PTPRG: variants seen among roughly 807,000 people sequenced by gnomAD.
PTPRG encodes the protein receptor-type tyrosine-protein phosphatase gamma.
PTPRG carries 102 observed loss-of-function variants against 165.3 expected under a neutral mutation model. The observed-to-expected ratio is 0.62, with a 90% CI of 0.53 to 0.73. The LOEUF is 0.73. PTPRG is among the 30% of genes least tolerant of loss of function. The pLI, the probability that PTPRG is intolerant of heterozygous loss-of-function variation, is 0.00. For synonymous variants in PTPRG, 675 were observed against 669.5 expected (o/e 1.01, Z -0.13); for missense variants, 1,866 against 1,861.4 (o/e 1.00, Z -0.05).
At chr3:61,653,558 A>C (rs1363107322) in intron 1 of PTPRG, among the ~76,000 whole-genome samples, 1 of 152,130 alleles carries the variant, frequency 6.6e-6, no homozygotes, top group East Asian at 1.9e-4. Context: ...GGTACCTTGG[A>C]TAGAACAGTG....
At chr3:62,270,684 C>T (rs1270230965) in intron 20 of PTPRG, among the ~76,000 whole-genome samples, 1 of 152,156 alleles carries the variant, frequency 6.6e-6, no homozygotes, top group Non-Finnish European at 1.5e-5. Flanking sequence ...ACACTTCAAG[C>T]TTCAGTGTTA....
chr3:62,055,458 A>C (rs919445974), intron 4 of PTPRG, among the ~76,000 whole-genome samples: 1 of 152,204 alleles, frequency 6.6e-6, no homozygotes, highest in Non-Finnish European at 1.5e-5. Flanking sequence ...TAGCAACCTC[A>C]ATAACTAGGT....
At chr3:62,215,546 A>ACCCCCCCCCCCCCCCCCCCCCCCC (rs35317755) in intron 12 of PTPRG, among the ~76,000 whole-genome samples, 1 of 63,758 alleles carries the variant, frequency 1.6e-5, no homozygotes, top group African/African-American at 6.4e-5. Flanking sequence ...CCCTACGGGA[A>ACCCCCCCCCCCCCCCCCCCCCCCC]CCCCCCCCCC....
intron 2 of PTPRG, among the ~76,000 whole-genome samples, chr3:61,853,548 A>G (rs1297837901): frequency 6.6e-6 from 1 of 152,238 alleles, no homozygotes; most frequent in African/African-American, 2.4e-5. Context: ...TAAGCCTCAG[A>G]TAACTGCTGA....
intron 2 of PTPRG, among the ~76,000 whole-genome samples, chr3:61,818,874 GAATAGTGA>G (rs531117197): frequency 1.2e-4 from 11 of 90,606 alleles, no homozygotes; most frequent in African/African-American, 6.3e-4. Context: ...GTGAAATAGT[GAATAGTGA>G]AATAGTGAAT....
chr3:62,266,004 A>C (rs1009864397), intron 17 of PTPRG, among the ~76,000 whole-genome samples: 3 of 152,022 alleles, frequency 2.0e-5, no homozygotes, highest in African/African-American at 7.2e-5. Flanking sequence ...ATTGTGGCAA[A>C]AAAAGGAGGA....
At chr3:61,795,150 G>C (rs546971767) in intron 2 of PTPRG, among the ~76,000 whole-genome samples, 6 of 152,274 alleles carry the variant, frequency 3.9e-5, no homozygotes, top group African/African-American at 1.4e-4. Flanking sequence ...CTGAGGCTTA[G>C]AATAAGTAGC....
intron 2 of PTPRG, among the ~76,000 whole-genome samples, chr3:61,835,443 C>T (rs537746115): frequency 1.3e-5 from 2 of 152,216 alleles, no homozygotes; most frequent in African/African-American, 2.4e-5. Context: ...AAGCGATTCT[C>T]CTGCCTCAGC....
At chr3:61,574,946 A>G (rs1396270068) in intron 1 of PTPRG, among the ~76,000 whole-genome samples, 1 of 152,180 alleles carries the variant, frequency 6.6e-6, no homozygotes, top group East Asian at 1.9e-4. Context: ...TGCCTCGAGA[A>G]TGGCACCAAG....
intron 2 of PTPRG, among the ~76,000 whole-genome samples, chr3:61,756,708 G>C (rs962290361): frequency 6.6e-6 from 1 of 152,082 alleles, no homozygotes; most frequent in Non-Finnish European, 1.5e-5. Context: ...CATTCCTTAG[G>C]GGCCTTGTGA....
intron 2 of PTPRG, among the ~76,000 whole-genome samples, chr3:61,931,158 C>A (rs1270835565): frequency 6.6e-6 from 1 of 152,192 alleles, no homozygotes; most frequent in African/African-American, 2.4e-5. Context: ...TGCTTTTGCT[C>A]ATTTTGCTTC....
At chr3:61,978,048 C>T (rs1260349861) in intron 2 of PTPRG, among the ~76,000 whole-genome samples, 5 of 152,270 alleles carry the variant, frequency 3.3e-5, no homozygotes, top group Admixed American at 1.3e-4. Flanking sequence ...GACGGGGTTT[C>T]GCCTTGCTGG....
At position 61,770,138 on chromosome 3, in the gene PTPRG, T is replaced by G. The variant is rs2034164687; in HGVS notation, c.190+21156T>G. The G allele has an allele frequency of 1.3e-5, 2 of 152,204 alleles. 1 individual carries two copies. The highest frequency in any genetic ancestry group is 4.1e-4 in the South Asian group (2 of 4,828). 9.4% of individuals were successfully genotyped at this position (152,204 alleles called of 1,614,324 possible). On this transcript the variant is annotated intron_variant, in intron 2 of 29. Coordinates refer to ENST00000474889, the MANE Select transcript of PTPRG (RefSeq NM_002841.4). ...TGAGATGGATTTTATTTCCCTTGGA[T>G]TCGTGCTATATCTGCCATGGAAAGC...
chr3:61,740,646 A>G (rs1211666710), intron 1 of PTPRG, among the ~76,000 whole-genome samples: 2 of 151,930 alleles, frequency 1.3e-5, no homozygotes, highest in Non-Finnish European at 2.9e-5. Flanking sequence ...TCATTTTTAC[A>G]ATGCTTTTTT....
intron 4 of PTPRG, among the ~76,000 whole-genome samples, chr3:62,056,480 C>T (rs1015566555): frequency 6.6e-6 from 1 of 152,110 alleles, no homozygotes; most frequent in Non-Finnish European, 1.5e-5. Flanking sequence ...GACAATTCTT[C>T]TTCCATTGTG....
At chr3:61,909,645 C>G (rs2038751257) in intron 2 of PTPRG, among the ~76,000 whole-genome samples, 1 of 152,118 alleles carries the variant, frequency 6.6e-6, no homozygotes, top group Non-Finnish European at 1.5e-5. Context: ...CTCAGCCTCC[C>G]AAAATGCTGG....
Position 62,203,668 on chromosome 3 carries a change from C to A in PTPRG, c.1873C>A (p.Pro625Thr), listed in dbSNP as rs868706225. The A allele has an allele frequency of 7.0e-6, 11 of 1,564,774 alleles. No individual in the cohort carries two copies. In the Middle Eastern group the frequency reaches 1.0e-3, roughly 142 times the overall value. ...GGAGCGGAATCAGACGGAGCCCAGC[C>A]CCACACCCTCGTCTCCTAACAGGAC... The part of the protein sequence containing the change: ...AEERNQTEPS[P>T]TPSSPNRTAE... Residue 625 changes from proline to threonine, a missense_variant, in exon 12 of 30, where the codon CCC (proline) becomes ACC (threonine). Around this residue, in one of 3 missense-constraint regions of PTPRG, gnomAD observed 1,452 missense variants for 1,463.0 expected, o/e 0.99. Transcript: ENST00000474889. The surrounding 1 kb of genome is among the most constrained non-coding windows in gnomAD (Gnocchi z 6.4).
At chr3:61,938,026 T>G (rs983430423) in intron 2 of PTPRG, among the ~76,000 whole-genome samples, 1 of 151,988 alleles carries the variant, frequency 6.6e-6, no homozygotes, top group Admixed American at 6.6e-5. Context: ...TAATACCGAC[T>G]TTTCCTTCAG....
intron 26 of PTPRG, among the ~76,000 whole-genome samples, chr3:62,280,245 T>G (rs1250288536): frequency 6.6e-6 from 1 of 151,976 alleles, no homozygotes; most frequent in Non-Finnish European, 1.5e-5. Flanking sequence ...CCCTTACCAT[T>G]TATTAGCAGA....
Sources: gnomAD v4.1 joint callset for allele counts (sites outside exome capture counted in the v4.1 genomes callset) on GRCh38, gnomAD v4.1.1 for gene constraint, gnomAD v4.1.1 regional missense constraint, Gnocchi (gnomAD v3.1) non-coding constraint, MANE v1.5 for transcripts, NCBI Gene and HGNC (gene_info 2026-07-23, HGNC 2026-07-21) for gene names.